Variants in CCDC191 observed in about 807,000 individuals in gnomAD.
CCDC191 encodes the protein coiled-coil domain-containing protein 191.
In CCDC191, 99 loss-of-function variants were observed where a neutral mutation model predicts 114.0. The ratio of observed to expected loss-of-function variants is 0.87; its 90% CI spans 0.74 to 1.03. The LOEUF (loss-of-function observed/expected upper bound fraction) is 1.03, where lower values mean the gene tolerates loss of function less well. Among genes scored for constraint, CCDC191 ranks in the 50% least tolerant of loss-of-function variants. CCDC191 has a pLI of 0.00. For missense variants in CCDC191, 973 were observed against 1,087.0 expected (o/e 0.90, Z 1.47); for synonymous variants, 351 against 376.0 (o/e 0.93, Z 0.77).
intron 3 of CCDC191, among the ~76,000 whole-genome samples, chr3:114,045,912 G>A (rs1273964332): frequency 1.3e-5 from 2 of 152,176 alleles, no homozygotes; most frequent in Non-Finnish European, 2.9e-5. Context: ...GAAAGCAAGG[G>A]CTTTGTCTCT....
intron 16 of CCDC191, among the ~76,000 whole-genome samples, chr3:113,972,949 C>T (rs984866178): frequency 1.3e-5 from 2 of 152,040 alleles, no homozygotes; most frequent in African/African-American, 4.8e-5. Flanking sequence ...TATGTCTTTA[C>T]AGGTGAAGTA....
intron 16 of CCDC191, among the ~76,000 whole-genome samples, chr3:113,976,110 T>C (rs536635599): frequency 1.3e-5 from 2 of 152,008 alleles, no homozygotes; most frequent in South Asian, 4.1e-4. Flanking sequence ...AATACAAAAA[T>C]TAGCTGGGCA....
At chr3:113,985,228 G>A (rs916139929) in intron 13 of CCDC191, among the ~76,000 whole-genome samples, 4 of 152,100 alleles carry the variant, frequency 2.6e-5, no homozygotes, top group Non-Finnish European at 5.9e-5. Flanking sequence ...TCTGGCTGGG[G>A]AGAGGCACAG....
At chr3:113,990,271 C>CTATGAGA (rs529606139) in intron 13 of CCDC191, among the ~76,000 whole-genome samples, 208 of 152,132 alleles carry the variant, frequency 1.4e-3, no homozygotes, top group African/African-American at 4.8e-3. Context: ...CAATACTGAT[C>CTATGAGA]TCATAGACAT....
intron 16 of CCDC191, 86 bp downstream of exon 16, chr3:113,978,100 C>G: frequency 2.0e-6 from 3 of 1,468,034 alleles, no homozygotes; most frequent in South Asian, 2.4e-5. Flanking sequence ...TCCAGCTCAT[C>G]TCTGCAGACA....
At position 113,978,968 on chromosome 3, in the gene CCDC191, T is replaced by G; in HGVS notation, c.2350A>C (p.Met784Leu). Residue 784 changes from methionine (M) to leucine (L), a missense_variant, in exon 15 of 17, where the codon ATG becomes CTG. By Grantham distance (15) the Met-to-Leu change is conservative. Coordinates refer to ENST00000295878, the MANE Select transcript of CCDC191 (RefSeq NM_020817.2). ...TGACTACGCTGGAACCACGTCAGCA[T>G]GTATTTCCTCTGCAGGAACAAAGAG... Reference protein sequence around the residue: ...HYSLFLQRKYMLTWFQRSQES... With the variant: ...HYSLFLQRKYLLTWFQRSQES... The G allele has an allele frequency of 6.2e-6, 10 of 1,614,056 alleles. No homozygotes were observed. Among genetic ancestry groups the G allele is most frequent in the Non-Finnish European group, 7.6e-6 (9 of 1,179,934 alleles).
intron 7 of CCDC191, among the ~76,000 whole-genome samples, chr3:114,020,970 T>G (rs2076235703): frequency 6.6e-6 from 1 of 152,174 alleles, no homozygotes; most frequent in East Asian, 1.9e-4. Context: ...GTAGATATTA[T>G]TATGATTTAC....
intron 4 of CCDC191, among the ~76,000 whole-genome samples, chr3:114,041,207 TTAA>T (rs958596008): frequency 3.9e-5 from 6 of 152,070 alleles, no homozygotes; most frequent in African/African-American, 7.2e-5. Context: ...GTACCACACT[TTAA>T]TAATGACATT....
At chr3:114,054,739 A>T (rs2076743425) in intron 1 of CCDC191, among the ~76,000 whole-genome samples, 1 of 152,096 alleles carries the variant, frequency 6.6e-6, no homozygotes, top group African/African-American at 2.4e-5. Flanking sequence ...GAAAATATAA[A>T]TTTCCACCCA....
chr3:114,017,102 C>CTTA (rs1553749451), intron 8 of CCDC191, among the ~76,000 whole-genome samples: 3 of 136,492 alleles, frequency 2.2e-5, no homozygotes, highest in African/African-American at 5.4e-5. Flanking sequence ...CAAGGATTCA[C>CTTA]TTTTTTTTTT....
chr3:114,024,972 C>T (rs150769575), intron 7 of CCDC191, among the ~76,000 whole-genome samples: 3 of 152,046 alleles, frequency 2.0e-5, no homozygotes, highest in Non-Finnish European at 4.4e-5. Flanking sequence ...CATAATTTTA[C>T]CCCAAAGAAA....
intron 8 of CCDC191, among the ~76,000 whole-genome samples, chr3:114,015,534 G>T (rs2076145471): frequency 6.6e-6 from 1 of 152,132 alleles, no homozygotes; most frequent in Admixed American, 6.5e-5. Context: ...TCCCAATTTT[G>T]TCTGGGGCTA....
chr3:114,010,132 T>C (rs2076044007), intron 9 of CCDC191, among the ~76,000 whole-genome samples: 1 of 150,046 alleles, frequency 6.7e-6, no homozygotes, highest in Admixed American at 6.6e-5. Context: ...AGAAGAACAG[T>C]AAGTATTAGT....
At chr3:114,037,910 G>A (rs1439151844) in intron 4 of CCDC191, among the ~76,000 whole-genome samples, 1 of 152,206 alleles carries the variant, frequency 6.6e-6, no homozygotes, top group African/African-American at 2.4e-5. Flanking sequence ...TCCATGGTTG[G>A]TTGAGTCCAG....
chr3:114,012,754 A>C (rs75700270), intron 8 of CCDC191, among the ~76,000 whole-genome samples: 17,360 of 151,152 alleles, frequency 0.11, 1,200 homozygotes, highest in Admixed American at 0.19. Flanking sequence ...CTGATGTATT[A>C]ATTTCCTGTT....
chr3:114,049,556 T>C (rs1262119386), intron 2 of CCDC191, among the ~76,000 whole-genome samples: 2 of 152,020 alleles, frequency 1.3e-5, no homozygotes, highest in Admixed American at 6.6e-5. Context: ...CCTACCTGAG[T>C]TGGAATTTGT....
chr3:114,000,637 T>C (rs575655341), intron 13 of CCDC191, among the ~76,000 whole-genome samples: 1 of 147,822 alleles, frequency 6.8e-6, no homozygotes, highest in East Asian at 2.0e-4. Context: ...TTATATGACT[T>C]TCTTGATCTC....
At position 114,001,659 on chromosome 3, in the gene CCDC191, C is replaced by T; in HGVS notation, c.2099G>A (p.Arg700Lys). ...LKAQEEERQKREAEEKEAQLE... is the reference protein window; with the variant it reads ...LKAQEEERQKKEAEEKEAQLE... ...CTGTGCCTCCTTTTCTTCTGCCTCC[C>T]TTTTCTGACGTTCCTCCTCTTGGGC... is the stretch of plus-strand genomic sequence containing the variant. The change falls in exon 13 of 17, where the codon AGG becomes AAG. Residue 700 changes from arginine to lysine, a missense_variant. By Grantham distance (26) the Arg-to-Lys change is conservative. Coordinates refer to ENST00000295878, the MANE Select transcript of CCDC191 (RefSeq NM_020817.2). 1 of 1,613,908 alleles carries T rather than the reference C, an allele frequency of 6.2e-7. No homozygotes were observed. Among genetic ancestry groups the T allele is most frequent in the Non-Finnish European group, 8.5e-7 (1 of 1,179,850 alleles).
intron 13 of CCDC191, among the ~76,000 whole-genome samples, chr3:113,994,359 A>C (rs1461081716): frequency 6.6e-6 from 1 of 152,212 alleles, no homozygotes; most frequent in African/African-American, 2.4e-5. Context: ...CACACCTATT[A>C]GAACATATTA....
Sources: allele counts gnomAD v4.1 joint callset (sites outside exome capture counted in the v4.1 genomes callset), GRCh38; gene constraint gnomAD v4.1.1; transcripts MANE v1.5; gene names NCBI Gene and HGNC (gene_info 2026-07-23, HGNC 2026-07-21).